The following EYS variants were observed in gnomAD, a reference collection of about 807,000 sequenced individuals.
The protein encoded by EYS is EGF-like photoreceptor maintenance factor, also known as protein eyes shut homolog.
Under a neutral mutation model 282.1 loss-of-function variants are expected in EYS, and 250 were observed. That is an observed-to-expected ratio of 0.89 (90% CI 0.80 to 0.98). EYS has a LOEUF of 0.98. Among genes scored for constraint, EYS ranks in the 50% least tolerant of loss-of-function variants. The probability of loss-of-function intolerance (pLI) is 0.00; values close to 1 mark genes in which losing one functional copy is unlikely to be tolerated. For synonymous variants in EYS, 1,355 were observed against 1,282.9 expected, an observed-to-expected ratio of 1.06 and a Z score of -1.20; for missense variants, 4,016 against 3,709.0, an observed-to-expected ratio of 1.08 and a Z score of -2.15.
rs371198017 is a variant in EYS at position 65,490,744 on chromosome 6, A to G, written c.749-37T>C. On this transcript the variant is annotated intron_variant, in intron 4 of 42. Coordinates refer to ENST00000503581, the MANE Select transcript of EYS (RefSeq NM_001142800.2). ...AAAAAAAGTTTTTTTTACATTGGAT[A>G]TCAATATTATAACCATCAGTTTTCC... 31 of 1,045,772 alleles carry G rather than the reference A, an allele frequency of 3.0e-5. 1 individual carries two copies. Among genetic ancestry groups the G allele is most frequent in the Middle Eastern group, 4.0e-4 (2 of 4,970 alleles). The allele number at this position is 1,045,772 out of a possible 1,614,324, so 64.8% of individuals were successfully genotyped here. A position where few individuals can be genotyped will look rare whatever the true frequency, so the allele number is the denominator to read the frequency against.
chr6:64,643,127 A>AAC (rs1265795692), intron 22 of EYS, among the ~76,000 whole-genome samples: 10 of 149,668 alleles, frequency 6.7e-5, no homozygotes, highest in Non-Finnish European at 1.2e-4. Context: ...CCCCCCAAAA[A>AAC]AAAACAACAC....
chr6:64,870,774 A>G (rs1583243337), intron 19 of EYS, among the ~76,000 whole-genome samples: 2 of 152,036 alleles, frequency 1.3e-5, no homozygotes, highest in African/African-American at 4.8e-5. Flanking sequence ...GGAGCTGTAA[A>G]CTACAATAAC....
chr6:65,588,786 C>T (rs941413278), intron 2 of EYS, among the ~76,000 whole-genome samples: 11 of 151,980 alleles, frequency 7.2e-5, no homozygotes, highest in Non-Finnish European at 2.9e-5. Context: ...TCTATAACTC[C>T]TAAACTAACA....
chr6:65,594,507 T>C (rs1275207716), intron 2 of EYS, among the ~76,000 whole-genome samples: 2 of 152,088 alleles, frequency 1.3e-5, no homozygotes, highest in African/African-American at 4.8e-5. Context: ...CCTTTTTTTA[T>C]ATATATTTGT....
intron 33 of EYS, among the ~76,000 whole-genome samples, chr6:64,052,101 G>GA (rs1278181087): frequency 2.0e-5 from 3 of 151,828 alleles, no homozygotes; most frequent in African/African-American, 4.8e-5. Context: ...AAATATTTTA[G>GA]AAAAAAGTAA....
chr6:64,581,920 A>C (rs1019569456), intron 26 of EYS, among the ~76,000 whole-genome samples: 18 of 152,164 alleles, frequency 1.2e-4, no homozygotes, highest in African/African-American at 4.3e-4. Flanking sequence ...GAACAATAGG[A>C]TTAAGTAGGT....
intron 2 of EYS, among the ~76,000 whole-genome samples, chr6:65,614,901 T>A (rs1266851429): frequency 6.6e-6 from 1 of 152,128 alleles, no homozygotes; most frequent in South Asian, 2.1e-4. Flanking sequence ...CATAAACACA[T>A]ACATGCATGT....
chr6:65,064,174 A>T (rs565462639), intron 12 of EYS, among the ~76,000 whole-genome samples: 5 of 143,796 alleles, frequency 3.5e-5, no homozygotes, highest in South Asian at 4.2e-4. Flanking sequence ...TAATATATAT[A>T]ATATATAGTA....
intron 29 of EYS, among the ~76,000 whole-genome samples, chr6:64,316,193 A>G (rs1479478543): frequency 6.6e-6 from 1 of 152,198 alleles, no homozygotes; most frequent in Non-Finnish European, 1.5e-5. Context: ...CACCTATTCA[A>G]TATAGTATTG....
At chr6:63,913,974 T>C (rs565835687) in intron 35 of EYS, among the ~76,000 whole-genome samples, 1 of 152,332 alleles carries the variant, frequency 6.6e-6, no homozygotes, top group South Asian at 2.1e-4. Flanking sequence ...TTTTTCATTA[T>C]TACGTATTTT....
intron 19 of EYS, among the ~76,000 whole-genome samples, chr6:64,842,859 G>A (rs557525888): frequency 6.6e-6 from 1 of 152,100 alleles, no homozygotes; most frequent in East Asian, 1.9e-4. Flanking sequence ...TAAAAGTTCA[G>A]GAAATTTGCA....
Position 64,211,595 on chromosome 6 carries a change from A to G in EYS, c.6424+18997T>C, listed in dbSNP as rs1253113577. On this transcript the variant is annotated intron_variant, in intron 31 of 42. Transcript: ENST00000503581. ...TATATTTTTTTTCATATATTAATCT[A>G]ATTTAATTCATTTATATGCATATAT... Among the ~76,000 whole-genome samples, 6 of 71,714 alleles carry G rather than the reference A, an allele frequency of 8.4e-5. No individual in the cohort carries two copies. The South Asian group carries it at 2.5e-3, about 30-fold the overall frequency. The allele number at this position is 71,714 out of a possible 152,430, so 47.0% of individuals were successfully genotyped here. A position where few individuals can be genotyped will look rare whatever the true frequency, so the allele number is the denominator to read the frequency against.
chr6:63,886,679 A>G (rs576821592), intron 35 of EYS, among the ~76,000 whole-genome samples: 1 of 152,230 alleles, frequency 6.6e-6, no homozygotes, highest in African/African-American at 2.4e-5. Flanking sequence ...CGATCTATAT[A>G]CTGACCTTTT....
At chr6:63,760,717 C>T (rs1769617090) in intron 41 of EYS, among the ~76,000 whole-genome samples, 1 of 151,082 alleles carries the variant, frequency 6.6e-6, no homozygotes, top group Admixed American at 6.6e-5. Flanking sequence ...TCTATCTATA[C>T]ATCCATTCAT....
intron 8 of EYS, among the ~76,000 whole-genome samples, chr6:65,358,010 C>A (rs1390156093): frequency 1.3e-5 from 2 of 151,846 alleles, no homozygotes; most frequent in Non-Finnish European, 1.5e-5. Context: ...AGAATGATGA[C>A]CTTCTCTGTT....
intron 22 of EYS, among the ~76,000 whole-genome samples, chr6:64,702,814 T>C (rs1475088807): frequency 6.6e-6 from 1 of 152,148 alleles, no homozygotes. Flanking sequence ...GTTTAAGCAT[T>C]TCAATACAGA....
chr6:64,418,929 G>A (rs772013327), intron 28 of EYS, among the ~76,000 whole-genome samples: 13 of 152,250 alleles, frequency 8.5e-5, no homozygotes, highest in Non-Finnish European at 1.8e-4. Flanking sequence ...CTTTGTGAAC[G>A]GTGGTTAATA....
In EYS at chr6:64,113,590, C is replaced by G. The variant is rs376069465; in HGVS notation, c.6425-31588G>C. Among the ~76,000 whole-genome samples the G allele has an allele frequency of 1.6e-4, 25 of 152,242 alleles. 1 individual carries two copies. In the East Asian group the frequency reaches 4.2e-3, roughly 26 times the overall value. ...CAGCATTTTAGCAAGATAGAACCCT[C>G]TATTGTGTAAAAAGTTTCTAGATCA... On this transcript the variant is annotated intron_variant, in intron 31 of 42. Transcript: ENST00000503581.
chr6:64,169,884 A>G (rs1764422953), intron 31 of EYS, among the ~76,000 whole-genome samples: 1 of 152,178 alleles, frequency 6.6e-6, no homozygotes, highest in Admixed American at 6.5e-5. Context: ...GTCTGGGGCT[A>G]AGTGTAAGGA....
Sources: allele counts gnomAD v4.1 joint callset (sites outside exome capture counted in the v4.1 genomes callset), GRCh38; gene constraint gnomAD v4.1.1; transcripts MANE v1.5; gene names NCBI Gene and HGNC (gene_info 2026-07-23, HGNC 2026-07-21).